The following CDH23 variants were observed in gnomAD, a reference collection of about 807,000 sequenced individuals.
The protein encoded by CDH23 is cadherin related 23, also known as cadherin-23.
A neutral mutation model predicts 317.1 loss-of-function variants in CDH23; 189 were observed. The ratio of observed to expected loss-of-function variants is 0.60; its 90% CI spans 0.53 to 0.67. The LOEUF (loss-of-function observed/expected upper bound fraction) is 0.67, where lower values mean the gene tolerates loss of function less well. CDH23 is among the 30% of genes least tolerant of loss of function. The probability of loss-of-function intolerance (pLI) is 0.00; values close to 1 mark genes in which losing one functional copy is unlikely to be tolerated. For missense variants in CDH23, 4,401 were observed against 4,592.4 expected (o/e 0.96, Z 1.20); for synonymous variants, 1,839 against 1,876.8 (o/e 0.98, Z 0.52).
Position 71,690,540 on chromosome 10 carries a change from A to T in CDH23, c.2132A>T (p.Tyr711Phe). 3 of 1,609,306 alleles carry T rather than the reference A, an allele frequency of 1.9e-6. No individual in the cohort carries two copies. The highest frequency in any genetic ancestry group is 2.5e-6 in the Non-Finnish European group (3 of 1,178,220). Residue 711 changes from tyrosine (Y) to phenylalanine (F), a missense_variant, in exon 20 of 70, where the codon TAC becomes TTC. Tyr to Phe is a conservative substitution (Grantham distance 22, BLOSUM62 3). Around this residue, in one of 3 missense-constraint regions of CDH23, gnomAD observed 3,068 missense variants for 3,203.3 expected, o/e 0.96. Transcript: ENST00000224721. The stretch of plus-strand genomic sequence containing the variant: ...GAGTACGGCCAGGAGTCCATCATCT[A>T]CTCCTTGGAAGGCTCCACCCAGTTT... The part of the protein sequence containing the change: ...SREYGQESII[Y>F]SLEGSTQFRI...
chr10:71,447,062 G>A (rs542140884), intron 3 of CDH23, among the ~76,000 whole-genome samples: 33 of 152,342 alleles, frequency 2.2e-4, no homozygotes, highest in African/African-American at 7.9e-4. Context: ...TCCACCGACA[G>A]CCCTCCTGTG....
At chr10:71,430,293 C>CAA (rs5786039) in intron 1 of CDH23, among the ~76,000 whole-genome samples, 5 of 141,332 alleles carry the variant, frequency 3.5e-5, no homozygotes, top group Admixed American at 2.1e-4. Flanking sequence ...TTTTGGAACT[C>CAA]AAAAAAAAAA....
At chr10:71,443,614 G>A (rs1343400531) in intron 2 of CDH23, among the ~76,000 whole-genome samples, 1 of 152,250 alleles carries the variant, frequency 6.6e-6, no homozygotes, top group Non-Finnish European at 1.5e-5. Context: ...AGGGCTCAGG[G>A]CAGTGCTCAC....
At chr10:71,655,395 A>G (rs954760134) in intron 14 of CDH23, among the ~76,000 whole-genome samples, 5 of 151,838 alleles carry the variant, frequency 3.3e-5, no homozygotes, top group African/African-American at 1.2e-4. Flanking sequence ...CTTGCTACTC[A>G]CCTGCCTCTC....
intron 9 of CDH23, among the ~76,000 whole-genome samples, chr10:71,583,940 C>G (rs765372751): frequency 2.0e-5 from 3 of 151,728 alleles, no homozygotes; most frequent in Non-Finnish European, 4.4e-5. Flanking sequence ...CCCACTAGTT[C>G]TCAAAGTGTG....
intron 9 of CDH23, among the ~76,000 whole-genome samples, chr10:71,594,537 C>A (rs554148291): frequency 4.6e-5 from 7 of 152,204 alleles, no homozygotes; most frequent in Non-Finnish European, 1.0e-4. Context: ...CCACACCTGG[C>A]TAATTTTTGT....
intron 18 of CDH23, among the ~76,000 whole-genome samples, chr10:71,683,775 A>G (rs1464689238): frequency 6.6e-6 from 1 of 152,154 alleles, no homozygotes; most frequent in African/African-American, 2.4e-5. Flanking sequence ...GAAGGAGGAC[A>G]GGGACCAGGA....
chr10:71,796,913 A>G, intron 48 of CDH23, 191 bp from the exon 49 acceptor site: 1 of 536,808 alleles, frequency 1.9e-6, no homozygotes, highest in Non-Finnish European at 3.4e-6. Context: ...AGTAAGCATC[A>G]TGGGAGGGGC....
intron 12 of CDH23, 145 bp downstream of exon 12, chr10:71,644,011 AG>A: frequency 1.6e-6 from 1 of 642,568 alleles, no homozygotes; most frequent in Non-Finnish European, 2.8e-6. Flanking sequence ...CCAAAGGTTC[AG>A]GGGAAGGAGA....
At chr10:71,745,494 G>A (rs1387653028) in intron 38 of CDH23, among the ~76,000 whole-genome samples, 2 of 152,058 alleles carry the variant, frequency 1.3e-5, no homozygotes, top group African/African-American at 2.4e-5. Context: ...AGCTGCTCCC[G>A]CTGCCTTCTC....
At chr10:71,676,114 G>A (rs552033359) in intron 15 of CDH23, among the ~76,000 whole-genome samples, 1 of 150,948 alleles carries the variant, frequency 6.6e-6, no homozygotes, top group African/African-American at 2.4e-5. Context: ...CACCATGTTG[G>A]CCAGGCTGGT....
chr10:71,542,404 ACT>A (rs139732210), intron 6 of CDH23, among the ~76,000 whole-genome samples: 4,022 of 152,040 alleles, frequency 0.026, 180 homozygotes, highest in African/African-American at 0.092. Flanking sequence ...TTAATCTGTG[ACT>A]CTGTGATTTG....
chr10:71,582,687 A>G (rs1360137934), intron 9 of CDH23, among the ~76,000 whole-genome samples: 2 of 152,120 alleles, frequency 1.3e-5, no homozygotes, highest in South Asian at 4.1e-4. Flanking sequence ...CCGAGTCAGC[A>G]CTCAGAAGAG....
chr10:71,663,582 G>A (rs1863766936), intron 14 of CDH23, among the ~76,000 whole-genome samples: 1 of 152,182 alleles, frequency 6.6e-6, no homozygotes, highest in African/African-American at 2.4e-5. Flanking sequence ...GCCCCGTGTG[G>A]GAACTGTGAC....
chr10:71,813,193 G>T, intron 68 of CDH23, 51 bp from the exon 69 acceptor site: 1 of 1,498,080 alleles, frequency 6.7e-7, no homozygotes, highest in South Asian at 1.2e-5. Context: ...GGCGAGGGGC[G>T]GGGCAGGCAG....
At chr10:71,688,827 G>A (rs1234328) in intron 19 of CDH23, among the ~76,000 whole-genome samples, 14 of 5,598 alleles carry the variant, frequency 2.5e-3, no homozygotes, top group Admixed American at 0.011. Flanking sequence ...GGAGCCAGGG[G>A]TGGTGGAGTC....
chr10:71,734,271 G>A lies in CDH23; in HGVS notation c.4136G>A (p.Arg1379His), dbSNP rs767004225. 4.0e-5 allele frequency: 64 copies of A among 1,612,022 alleles called. No homozygotes were observed. Among genetic ancestry groups the A allele is most frequent in the South Asian group, 1.1e-4 (10 of 90,504 alleles). ...GVITVQGLVD[R>H]EKGDFYTLTV... The stretch of plus-strand genomic sequence containing the variant: ...ATCACAGTCCAGGGCCTGGTGGACC[G>A]TGAGAAGGGCGACTTCTATACCTTG... The change falls in exon 33 of 70, where the codon CGT becomes CAT. Residue 1379 changes from arginine (R) to histidine (H), a missense_variant. This residue lies in a region of CDH23 where 3,068 missense variants were observed against 3,203.3 expected (regional missense o/e 0.96). Coordinates refer to ENST00000224721, the MANE Select transcript of CDH23 (RefSeq NM_022124.6).
chr10:71,447,324 A>G (rs941788719), intron 3 of CDH23, among the ~76,000 whole-genome samples: 4 of 152,102 alleles, frequency 2.6e-5, no homozygotes, highest in African/African-American at 4.8e-5. Flanking sequence ...TATGAAACCC[A>G]GTGTAGGTGT....
intron 1 of CDH23, among the ~76,000 whole-genome samples, chr10:71,435,993 AGGAAGATCT>A (rs1247734218): frequency 6.6e-6 from 1 of 152,250 alleles, no homozygotes; most frequent in Non-Finnish European, 1.5e-5. Context: ...GAGGAGCCAG[AGGAAGATCT>A]GGGACCTCAG....
Sources: gnomAD v4.1 joint callset for allele counts (sites outside exome capture counted in the v4.1 genomes callset) on GRCh38, gnomAD v4.1.1 for gene constraint, gnomAD v4.1.1 regional missense constraint, MANE v1.5 for transcripts, NCBI Gene and HGNC (gene_info 2026-07-23, HGNC 2026-07-21) for gene names.